Variants in TTC3 observed in about 807,000 individuals in gnomAD.
TTC3 encodes E3 ubiquitin-protein ligase TTC3.
In TTC3, 180 loss-of-function variants were observed where a neutral mutation model predicts 249.6. That is an observed-to-expected ratio of 0.72 (90% CI 0.64 to 0.82). TTC3 has a LOEUF of 0.82. Ranked by LOEUF, TTC3 falls within the 40% of genes least tolerant of loss-of-function variation. TTC3 has a pLI of 0.00. For synonymous variants in TTC3, 717 were observed against 805.0 expected, an observed-to-expected ratio of 0.89 and a Z score of 1.85; for missense variants, 2,061 against 2,398.4, an observed-to-expected ratio of 0.86 and a Z score of 2.94.
intron 1 of TTC3, among the ~76,000 whole-genome samples, chr21:37,076,694 A>ATTTT (rs61629167): frequency 0.047 from 4,444 of 94,804 alleles, 491 homozygotes; most frequent in African/African-American, 0.12. Context: ...AAACAAAGGG[A>ATTTT]TTTTTTTTTT....
At chr21:37,111,686 G>A (rs184189806) in intron 11 of TTC3, among the ~76,000 whole-genome samples, 1 of 152,114 alleles carries the variant, frequency 6.6e-6, no homozygotes, top group Non-Finnish European at 1.5e-5. Context: ...ACTCAGCTCT[G>A]CACCAAGCGG....
chr21:37,156,819 G>A (rs2080137121), exon 28 of TTC3: 2 of 1,614,024 alleles, frequency 1.2e-6, no homozygotes, highest in Non-Finnish European at 1.7e-6. Flanking sequence ...ATTGAAGGAA[G>A]CCCGTTGTTT....
intron 45 of TTC3, among the ~76,000 whole-genome samples, 200 bp from the exon 46 acceptor site, chr21:37,201,240 T>C (rs1488921947): frequency 2.0e-5 from 3 of 152,178 alleles, no homozygotes; most frequent in Non-Finnish European, 4.4e-5. Flanking sequence ...GATCTGACCC[T>C]GAGGTGGGAT....
exon 19 of TTC3, chr21:37,138,635 A>T: frequency 1.2e-6 from 2 of 1,610,738 alleles, no homozygotes; most frequent in Non-Finnish European, 1.7e-6. Context: ...TATTGACAGC[A>T]ATTGAACCTG....
chr21:37,197,419 A>G, intron 42 of TTC3, 151 bp from the exon 43 acceptor site: 2 of 862,530 alleles, frequency 2.3e-6, no homozygotes, highest in Non-Finnish European at 3.6e-6. Flanking sequence ...CTTTTTAGAT[A>G]GTTATTGTTG....
intron 11 of TTC3, among the ~76,000 whole-genome samples, chr21:37,117,848 A>AAAAAAAAAAAAG (rs1555876993): frequency 6.6e-6 from 1 of 150,634 alleles, no homozygotes; most frequent in African/African-American, 2.4e-5. Context: ...AAAAAAAAAA[A>AAAAAAAAAAAAG]AAAAAGAAAA....
chr21:37,139,945 T>C (rs2078283947), intron 19 of TTC3, among the ~76,000 whole-genome samples: 1 of 152,186 alleles, frequency 6.6e-6, no homozygotes, highest in African/African-American at 2.4e-5. Flanking sequence ...CATTTCTTTT[T>C]TTCACTCACA....
exon 42 of TTC3, chr21:37,195,808 G>A (rs1569198042): frequency 6.2e-7 from 1 of 1,614,198 alleles, no homozygotes; most frequent in East Asian, 2.2e-5. Flanking sequence ...GATTCCCCAG[G>A]GGAGGCTCCT....
intron 40 of TTC3, among the ~76,000 whole-genome samples, chr21:37,191,664 C>T (rs1344904749): frequency 7.2e-5 from 11 of 152,050 alleles, no homozygotes; most frequent in Non-Finnish European, 1.5e-4. Flanking sequence ...CTGCAACCTC[C>T]GCCTCCCAGG....
chr21:37,116,217 T>C (rs886831427), intron 11 of TTC3, among the ~76,000 whole-genome samples: 6 of 152,208 alleles, frequency 3.9e-5, no homozygotes, highest in African/African-American at 1.4e-4. Context: ...GCAGTTGAAT[T>C]AGCTGGCTTA....
intron 8 of TTC3, among the ~76,000 whole-genome samples, chr21:37,095,132 A>G (rs567076693): frequency 2.9e-4 from 21 of 72,082 alleles, no homozygotes; most frequent in Middle Eastern, 7.8e-3. Context: ...CCTGTCTCTA[A>G]AAATATGTGT....
At chr21:37,153,801 T>A (rs1183743281) in intron 27 of TTC3, among the ~76,000 whole-genome samples, 2 of 152,176 alleles carry the variant, frequency 1.3e-5, no homozygotes, top group Admixed American at 6.5e-5. Context: ...AAATCTATAA[T>A]TCAGATTCTT....
chr21:37,161,212 T>C (rs1045657163), intron 30 of TTC3, among the ~76,000 whole-genome samples: 4 of 152,160 alleles, frequency 2.6e-5, no homozygotes, highest in African/African-American at 9.7e-5. Context: ...AGTCCCAGGA[T>C]TGATAGAATC....
In TTC3 at chr21:37,134,129, G is replaced by A. The variant is rs76402865; in HGVS notation, c.1444-1251G>A. ...CTTTTCTATGCATATTCTGGGGAGCGTTCTGCCAAACTTTGATTCATTGGT... is the reference window on the plus strand; with the variant it reads ...CTTTTCTATGCATATTCTGGGGAGCATTCTGCCAAACTTTGATTCATTGGT... On this transcript the variant is annotated intron_variant, in intron 17 of 45. Transcript: ENST00000355666. 6.6e-3 allele frequency among the ~76,000 whole-genome samples: 997 copies of A among 152,128 alleles called. 12 individuals carry two copies. Among genetic ancestry groups the A allele is most frequent in the African/African-American group, 0.022 (931 of 41,508 alleles).
chr21:37,132,905 G>T, intron 17 of TTC3, 139 bp downstream of exon 17: 1 of 570,234 alleles, frequency 1.8e-6, no homozygotes, highest in Non-Finnish European at 2.8e-6. Flanking sequence ...TGTAGAGATG[G>T]GGTCTCACTG....
intron 10 of TTC3, among the ~76,000 whole-genome samples, chr21:37,104,588 C>CAAAAAAAAAAAA (rs141618903): frequency 2.2e-4 from 23 of 104,294 alleles, no homozygotes; most frequent in African/African-American, 4.1e-4. Context: ...AACTCCGTCT[C>CAAAAAAAAAAAA]AAAAAAAAAA....
intron 31 of TTC3, among the ~76,000 whole-genome samples, chr21:37,163,630 G>A (rs536197367): frequency 8.5e-5 from 13 of 152,244 alleles, no homozygotes; most frequent in Admixed American, 5.2e-4. Context: ...GATTACAGGC[G>A]TGAGCCACCA....
chr21:37,114,344 A>T (rs2075940306), intron 11 of TTC3, among the ~76,000 whole-genome samples: 1 of 152,228 alleles, frequency 6.6e-6, no homozygotes, highest in African/African-American at 2.4e-5. Context: ...ATTTACAAGA[A>T]AAAAACAACC....
intron 35 of TTC3, among the ~76,000 whole-genome samples, chr21:37,181,776 G>A (rs1319708242): frequency 6.6e-6 from 1 of 152,142 alleles, no homozygotes; most frequent in African/African-American, 2.4e-5. Context: ...AGTTGATAGA[G>A]CTTTTGACCT....
Sources: gnomAD v4.1 joint callset for allele counts (sites outside exome capture counted in the v4.1 genomes callset) on GRCh38, gnomAD v4.1.1 for gene constraint, MANE v1.5 for transcripts, NCBI Gene and HGNC (gene_info 2026-07-23, HGNC 2026-07-21) for gene names.